The following FIG4 variants were observed in gnomAD, a reference collection of about 807,000 sequenced individuals.
The protein encoded by FIG4 is FIG4 phosphoinositide 5-phosphatase, also known as polyphosphoinositide phosphatase.
Under a neutral mutation model 118.6 loss-of-function variants are expected in FIG4, and 112 were observed. The observed-to-expected ratio is 0.94, with a 90% CI of 0.81 to 1.11. The LOEUF (loss-of-function observed/expected upper bound fraction) is 1.11. Among genes scored for constraint, FIG4 ranks in the 50% least tolerant of loss-of-function variants. The pLI is 0.00. For synonymous variants in FIG4, 369 were observed against 381.2 expected (o/e 0.97, Z 0.37); for missense variants, 969 against 1,111.7 (o/e 0.87, Z 1.83).
At chr6:109,796,914 T>A in intron 22 of FIG4, 63 bp downstream of exon 22, 1 of 965,598 alleles carries the variant, frequency 1.0e-6, no homozygotes, top group Non-Finnish European at 1.7e-6. Context: ...GGGCTTTCTT[T>A]AAAGACTTTT....
chr6:109,715,305 T>A, intron 2 of FIG4, 129 bp downstream of exon 2: 1 of 617,612 alleles, frequency 1.6e-6, no homozygotes, highest in Non-Finnish European at 2.9e-6. Flanking sequence ...TTATTTTTCT[T>A]GGTTGGCTAG....
Position 109,710,079 on chromosome 6 carries a change from T to C in FIG4, c.67-4999T>C, listed in dbSNP as rs570793401. Among the ~76,000 whole-genome samples, 11 of 152,342 alleles carry C rather than the reference T, an allele frequency of 7.2e-5. No individual in the cohort carries two copies. The South Asian group carries it at 2.3e-3, about 32-fold the overall frequency. On this transcript the variant is annotated intron_variant, in intron 1 of 22. Transcript: ENST00000230124. Reference sequence around the variant, plus strand: ...GCTTCCAGCTTCTGGCCATTTGGTATGATGTTGGCTGTGGGTTTGTCATAT... The same window carrying C: ...GCTTCCAGCTTCTGGCCATTTGGTACGATGTTGGCTGTGGGTTTGTCATAT...
intron 1 of FIG4, among the ~76,000 whole-genome samples, chr6:109,698,178 G>A (rs941023577): frequency 8.6e-5 from 13 of 151,472 alleles, no homozygotes; most frequent in South Asian, 2.1e-4. Flanking sequence ...TTGAGCCACC[G>A]TGCCTGGCCT....
intron 13 of FIG4, among the ~76,000 whole-genome samples, chr6:109,764,630 C>T (rs994914879): frequency 6.6e-6 from 1 of 152,042 alleles, no homozygotes; most frequent in Admixed American, 6.5e-5. Flanking sequence ...AATGATATGG[C>T]CCTAACCACT....
chr6:109,779,439 C>T (rs1399679912), intron 16 of FIG4, among the ~76,000 whole-genome samples: 2 of 152,132 alleles, frequency 1.3e-5, no homozygotes, highest in Non-Finnish European at 2.9e-5. Context: ...AATTGAGGTG[C>T]AGAGATAATG....
chr6:109,817,184 C>T (rs1238805310), intron 22 of FIG4, among the ~76,000 whole-genome samples: 2 of 152,034 alleles, frequency 1.3e-5, no homozygotes. Context: ...GCAGAAAAGC[C>T]CTTTCAGAGC....
At chr6:109,766,407 C>T (rs891347749) in intron 14 of FIG4, among the ~76,000 whole-genome samples, 2 of 152,102 alleles carry the variant, frequency 1.3e-5, no homozygotes, top group South Asian at 2.1e-4. Flanking sequence ...CAGTACATTC[C>T]GTTATGGGAA....
chr6:109,711,661 T>C (rs1025879802), intron 1 of FIG4, among the ~76,000 whole-genome samples: 1 of 152,204 alleles, frequency 6.6e-6, no homozygotes, highest in African/African-American at 2.4e-5. Context: ...GTGGGTTTCA[T>C]TGCATGTAAG....
intron 15 of FIG4, among the ~76,000 whole-genome samples, chr6:109,770,663 G>T (rs1354321937): frequency 2.0e-5 from 3 of 152,072 alleles, no homozygotes; most frequent in Admixed American, 6.5e-5. Flanking sequence ...GCAGAAGAAG[G>T]GGGAGCAGGT....
Position 109,762,124 on chromosome 6 carries a change from G to C in FIG4, c.1305G>C (p.Val435=), listed in dbSNP as rs145227623. 1.2e-4 allele frequency: 197 copies of C among 1,613,186 alleles called. No homozygotes were observed. The highest frequency in any genetic ancestry group is 1.6e-4 in the Non-Finnish European group (184 of 1,179,314). The change falls in exon 12 of 23, where the codon GTG becomes GTC. Residue 435 remains valine (V), a synonymous_variant. Coordinates refer to ENST00000230124, the MANE Select transcript of FIG4 (RefSeq NM_014845.6). ...KLCNVLDRLN[V]IAESVVKKTG... The stretch of plus-strand genomic sequence containing the variant: ...GTAATGTTCTTGATCGACTAAATGT[G>C]ATTGCAGAAAGTGTGGTGAAGAAAA...
chr6:109,756,218 A>C (rs1168081592), intron 10 of FIG4, among the ~76,000 whole-genome samples: 1 of 152,070 alleles, frequency 6.6e-6, no homozygotes, highest in African/African-American at 2.4e-5. Context: ...CTGGATATGA[A>C]ATTCTGGGTT....
intron 22 of FIG4, among the ~76,000 whole-genome samples, chr6:109,802,969 A>G (rs1733444394): frequency 6.6e-6 from 1 of 152,170 alleles, no homozygotes; most frequent in South Asian, 2.1e-4. Flanking sequence ...AAAGCATATC[A>G]CGAACGAGAG....
At chr6:109,730,319 G>T (rs1176061707) in intron 4 of FIG4, among the ~76,000 whole-genome samples, 1 of 152,136 alleles carries the variant, frequency 6.6e-6, no homozygotes, top group African/African-American at 2.4e-5. Flanking sequence ...AAAGTCCTGG[G>T]ATTACAGACA....
intron 10 of FIG4, among the ~76,000 whole-genome samples, chr6:109,745,298 C>A (rs1461789414): frequency 6.6e-6 from 1 of 152,168 alleles, no homozygotes; most frequent in Non-Finnish European, 1.5e-5. Flanking sequence ...TCATCTCCAG[C>A]ACCTGTTGTT....
At chr6:109,740,256 A>G (rs1776283274) in intron 7 of FIG4, among the ~76,000 whole-genome samples, 1 of 152,150 alleles carries the variant, frequency 6.6e-6, no homozygotes, top group African/African-American at 2.4e-5. Context: ...TAAACATAGT[A>G]AATGTTTGTT....
rs138470653 is a variant in FIG4 at position 109,718,471 on chromosome 6, G to A, written c.289+1903G>A. 3.3e-5 allele frequency among the ~76,000 whole-genome samples: 5 copies of A among 152,300 alleles called. No individual in the cohort carries two copies. The South Asian group carries it at 6.2e-4, about 19-fold the overall frequency. On this transcript the variant is annotated intron_variant, in intron 3 of 22. Coordinates refer to ENST00000230124, the MANE Select transcript of FIG4 (RefSeq NM_014845.6). ...GTTTAGCACTTTCTATTTTGTGACT[G>A]TATGTCTATGAAAACTTTGATTATA...
At chr6:109,701,841 A>T (rs1217916667) in intron 1 of FIG4, 4 of 443,390 alleles carry the variant, frequency 9.0e-6, no homozygotes, top group Non-Finnish European at 9.4e-6. Flanking sequence ...ATAAAGTGAG[A>T]GAGAGAAACA....
intron 7 of FIG4, among the ~76,000 whole-genome samples, chr6:109,740,853 ACTGGGAGGC>A (rs1364488053): frequency 6.6e-6 from 1 of 152,158 alleles, no homozygotes; most frequent in African/African-American, 2.4e-5. Context: ...AGGAAGCATG[ACTGGGAGGC>A]CTCAGGAAAC....
chr6:109,796,764 G>T lies in FIG4; in HGVS notation c.2460-1G>T. 6.3e-7 allele frequency: 1 copy of T among 1,594,350 alleles called. No homozygotes were observed. The highest frequency in any genetic ancestry group is 8.6e-7 in the Non-Finnish European group (1 of 1,161,980). On this transcript the variant is annotated splice_acceptor_variant, in intron 21 of 22. Coordinates refer to ENST00000230124, the MANE Select transcript of FIG4 (RefSeq NM_014845.6). LOFTEE classifies it high-confidence loss of function. ...TGACTCTTATCCATTGTAATTTGTAGATTTGTTCAGCTGGGGCAGAGTCAA... is the reference window on the plus strand; with the variant it reads ...TGACTCTTATCCATTGTAATTTGTATATTTGTTCAGCTGGGGCAGAGTCAA...
Sources: gnomAD v4.1 joint callset for allele counts (sites outside exome capture counted in the v4.1 genomes callset) on GRCh38, gnomAD v4.1.1 for gene constraint, MANE v1.5 for transcripts, NCBI Gene and HGNC (gene_info 2026-07-23, HGNC 2026-07-21) for gene names.